NCOR2: variants seen among roughly 807,000 people sequenced by gnomAD.
The protein encoded by NCOR2 is CTG repeat protein 26.
In NCOR2, 81 loss-of-function variants were observed where a neutral mutation model predicts 262.9. The observed-to-expected ratio is 0.31, with a 90% CI of 0.26 to 0.37. The LOEUF (loss-of-function observed/expected upper bound fraction) is 0.37, where lower values mean the gene tolerates loss of function less well. Ranked by LOEUF, NCOR2 falls within the 10% of genes least tolerant of loss-of-function variation. The probability of loss-of-function intolerance (pLI) is 1.00; values close to 1 mark genes in which losing one functional copy is unlikely to be tolerated. For synonymous variants in NCOR2, 1,659 were observed against 1,559.3 expected, an observed-to-expected ratio of 1.06 and a Z score of -1.51; for missense variants, 3,385 against 3,621.4, an observed-to-expected ratio of 0.93 and a Z score of 1.68.
chr12:124,538,684 G>C (rs946051986), upstream of NCOR2: 1 of 154,242 alleles, frequency 6.5e-6, no homozygotes, highest in Non-Finnish European at 1.4e-5. Flanking sequence ...GTCCAGGAGA[G>C]TGATGTGGCG....
At chr12:124,496,405 A>C (rs1389583374), upstream of NCOR2, among the ~76,000 whole-genome samples, 2 of 151,622 alleles carry the variant, frequency 1.3e-5, no homozygotes, top group Admixed American at 6.6e-5. The surrounding 1 kb of genome is among the most constrained non-coding windows in gnomAD (Gnocchi z 4.4). Flanking sequence ...CCTCTCCAGC[A>C]CCCCCACAAT....
At chr12:124,399,320 C>T (rs2041868780) in intron 15 of NCOR2, among the ~76,000 whole-genome samples, 1 of 152,166 alleles carries the variant, frequency 6.6e-6, no homozygotes, top group African/African-American at 2.4e-5. Flanking sequence ...TGCCCAGTGC[C>T]AGAAGAGACA....
chr12:124,466,393 G>T, intron 4 of NCOR2, 107 bp from the exon 7 acceptor site: 2 of 941,388 alleles, frequency 2.1e-6, no homozygotes, highest in Non-Finnish European at 3.2e-6. Flanking sequence ...CCACGGCCGC[G>T]CACAGGAAGT....
intron 21 of NCOR2, among the ~76,000 whole-genome samples, chr12:124,362,661 GAA>G (rs2038694124): frequency 2.0e-5 from 3 of 150,762 alleles, no homozygotes; most frequent in African/African-American, 4.9e-5. Flanking sequence ...GCCTGGTGGT[GAA>G]CAGGGGGACC....
In NCOR2 at chr12:124,504,373, G is replaced by C. The variant is rs1025984067; in HGVS notation, c.-117-9005C>G. 3.3e-5 allele frequency among the ~76,000 whole-genome samples: 5 copies of C among 152,176 alleles called. No individual in the cohort carries two copies. The highest frequency in any genetic ancestry group is 7.3e-5 in the Non-Finnish European group (5 of 68,044). On this transcript the variant is annotated intron_variant, in intron 1 of 46. Transcript: ENST00000404621. This position sits in a 1 kb window ranked among gnomAD's most constrained non-coding sequence, Gnocchi z 4.5. ...AGCCCCAGAGACCAGCTCTTATAAA[G>C]AGGGATTTCACAGGAAATTTGGAAT...
intron 1 of NCOR2, among the ~76,000 whole-genome samples, chr12:124,565,250 GCCC>G (rs1461228273): frequency 4.6e-5 from 7 of 152,036 alleles, no homozygotes; most frequent in Non-Finnish European, 1.0e-4. Flanking sequence ...CTGCGCTCCC[GCCC>G]CCATGTCTGG....
intron 3 of NCOR2, among the ~76,000 whole-genome samples, chr12:124,480,071 G>GA (rs1192962745): frequency 7.2e-5 from 11 of 152,230 alleles, no homozygotes; most frequent in Admixed American, 7.2e-4. Flanking sequence ...CCAGCCTCCT[G>GA]ATAAAGGAGG....
chr12:124,348,432 T>C, intron 28 of NCOR2, 118 bp from the exon 31 acceptor site: 1 of 1,332,074 alleles, frequency 7.5e-7, no homozygotes, highest in Non-Finnish European at 1.0e-6. Flanking sequence ...GCTGGCCCCG[T>C]CACAAAGCCT....
At chr12:124,413,871 G>C (rs921363417) in intron 13 of NCOR2, among the ~76,000 whole-genome samples, 3 of 152,144 alleles carry the variant, frequency 2.0e-5, no homozygotes, top group Non-Finnish European at 4.4e-5. Context: ...CCCAGGAGCT[G>C]AGGGACACAT....
At chr12:124,434,424 G>C (rs1016240121) in intron 8 of NCOR2, among the ~76,000 whole-genome samples, 2 of 152,102 alleles carry the variant, frequency 1.3e-5, no homozygotes, top group Admixed American at 6.5e-5. Context: ...AGCCACACCG[G>C]ACCCTTCTTG....
chr12:124,338,531 G>A (rs570223421), intron 37 of NCOR2, among the ~76,000 whole-genome samples: 9 of 147,064 alleles, frequency 6.1e-5, no homozygotes, highest in African/African-American at 2.3e-4. Context: ...AAAAGGTTCC[G>A]GGCAGGGAAG....
chr12:124,352,376 C>G (rs1325151020), intron 27 of NCOR2, among the ~76,000 whole-genome samples: 1 of 151,688 alleles, frequency 6.6e-6, no homozygotes, highest in Non-Finnish European at 1.5e-5. Flanking sequence ...ACTGAGGCAT[C>G]TGATTTTTTT....
intron 20 of NCOR2, among the ~76,000 whole-genome samples, chr12:124,366,190 C>T (rs553279057): frequency 7.9e-5 from 12 of 152,282 alleles, no homozygotes; most frequent in African/African-American, 2.6e-4. Context: ...AGAGACAACC[C>T]GACATCCACC....
intron 41 of NCOR2, 117 bp downstream of exon 43, chr12:124,334,307 G>A (rs1792934299): frequency 1.5e-6 from 1 of 676,994 alleles, no homozygotes; most frequent in South Asian, 2.0e-5. Context: ...TCTTGCCTGT[G>A]CAATGGCACC....
At chr12:124,473,596 A>ATT (rs1371889419) in intron 3 of NCOR2, among the ~76,000 whole-genome samples, 5 of 151,430 alleles carry the variant, frequency 3.3e-5, no homozygotes, top group Admixed American at 1.3e-4. Context: ...ATATATATAT[A>ATT]TTTTTTCTAT....
At position 124,378,309 on chromosome 12, in the gene NCOR2, C is replaced by A. The variant is rs771023965; in HGVS notation, c.2095G>T (p.Val699Leu). 1 of 1,614,028 alleles carries A rather than the reference C, an allele frequency of 6.2e-7. No individual in the cohort carries two copies. The highest frequency in any genetic ancestry group is 8.5e-7 in the Non-Finnish European group (1 of 1,179,912). Residue 699 changes from valine (V) to leucine (L), a missense_variant, in exon 18 of 47, where the codon GTG becomes TTG. This residue lies in a region of NCOR2 where 515 missense variants were observed against 781.2 expected (regional missense o/e 0.66). Transcript: ENST00000405201. This position sits in a 1 kb window ranked among gnomAD's most constrained non-coding sequence, Gnocchi z 4.2. ...GCCTCCATCTCCTCATCCTCCACCACGGGCGGGAATGCAGCCTCCTCGCTG... is the reference window on the plus strand; with the variant it reads ...GCCTCCATCTCCTCATCCTCCACCAAGGGCGGGAATGCAGCCTCCTCGCTG...
At position 124,346,601 on chromosome 12, in the gene NCOR2, AG is replaced by A; in HGVS notation, c.4321del (p.Leu1441TrpfsTer52). ...GCCCTCCTTGAGCGGCCGCGGGGCC[AG>A]GGGCAGCTCGGGCGTGTGCCGCAGC... is the stretch of plus-strand genomic sequence containing the variant. On this transcript the variant is annotated frameshift_variant, in exon 31 of 47. Coordinates refer to ENST00000405201, the Ensembl canonical transcript of NCOR2. LOFTEE classifies it high-confidence loss of function. 1.9e-6 allele frequency: 3 copies of A among 1,584,036 alleles called. No individual in the cohort carries two copies. The highest frequency in any genetic ancestry group is 2.3e-5 in the East Asian group (1 of 44,312).
At chr12:124,330,857 T>C in exon 44 of NCOR2, 1 of 1,580,662 alleles carries the variant, frequency 6.3e-7, no homozygotes, top group Non-Finnish European at 8.6e-7. Context: ...GTTCCGGTGA[T>C]GGCGGGCATA....
At chr12:124,547,503 C>G (rs2051578068) in intron 1 of NCOR2, among the ~76,000 whole-genome samples, 2 of 152,150 alleles carry the variant, frequency 1.3e-5, no homozygotes, top group South Asian at 4.1e-4. Flanking sequence ...CCACATTTTT[C>G]AAATGGAGAA....
Sources: allele counts gnomAD v4.1 joint callset (sites outside exome capture counted in the v4.1 genomes callset), GRCh38; gene constraint gnomAD v4.1.1; regional missense constraint gnomAD v4.1.1; non-coding constraint Gnocchi (gnomAD v3.1); transcripts MANE v1.5; gene names NCBI Gene and HGNC (gene_info 2026-07-23, HGNC 2026-07-21).